Variants in ARHGAP24 observed in about 807,000 individuals in gnomAD.
ARHGAP24 encodes rho GTPase-activating protein 24.
A neutral mutation model predicts 76.4 loss-of-function variants in ARHGAP24; 50 were observed. That is an observed-to-expected ratio of 0.65 (90% CI 0.52 to 0.83). The LOEUF (loss-of-function observed/expected upper bound fraction) is 0.83. Ranked by LOEUF, ARHGAP24 falls within the 40% of genes least tolerant of loss-of-function variation. The pLI, the probability that ARHGAP24 is intolerant of heterozygous loss-of-function variation, is 0.00. For synonymous variants in ARHGAP24, 345 were observed against 323.3 expected, an observed-to-expected ratio of 1.07 and a Z score of -0.72; for missense variants, 930 against 914.2, an observed-to-expected ratio of 1.02 and a Z score of -0.22.
chr4:85,686,665 T>C (rs1034737784), intron 2 of ARHGAP24: 5 of 152,142 alleles, frequency 3.3e-5, no homozygotes, highest in Admixed American at 3.3e-4. Flanking sequence ...ATTAAACAAG[T>C]CCGTAAGTTC....
intron 2 of ARHGAP24, among the ~76,000 whole-genome samples, chr4:85,636,853 A>T (rs1410626309): frequency 6.6e-6 from 1 of 151,764 alleles, no homozygotes; most frequent in Non-Finnish European, 1.5e-5. Flanking sequence ...TCCAAACCAA[A>T]CTGTAGGCTC....
Position 85,529,024 on chromosome 4 carries a change from G to A in ARHGAP24, c.-20-41498G>A, listed in dbSNP as rs1725139941. On this transcript the variant is annotated intron_variant, in intron 1 of 9. Transcript: ENST00000395184. ...TGAGACAAATACGTAATATCATCTT[G>A]ACTACTCCTGAGCTGATCATGTTCA... 7.9e-5 allele frequency among the ~76,000 whole-genome samples: 12 copies of A among 152,090 alleles called. 1 individual carries two copies. The South Asian group carries it at 2.5e-3, about 32-fold the overall frequency.
At chr4:85,581,647 G>A (rs1727616470) in intron 2 of ARHGAP24, among the ~76,000 whole-genome samples, 1 of 152,012 alleles carries the variant, frequency 6.6e-6, no homozygotes, top group Non-Finnish European at 1.5e-5. Flanking sequence ...TCTTCTCCAG[G>A]GAAGGCAGAA....
intron 1 of ARHGAP24, among the ~76,000 whole-genome samples, chr4:85,497,355 G>A (rs559925642): frequency 4.2e-4 from 64 of 152,290 alleles, no homozygotes; most frequent in African/African-American, 9.4e-4. Flanking sequence ...TAAATTCAGC[G>A]TCTAGAAAAT....
intron 3 of ARHGAP24, among the ~76,000 whole-genome samples, chr4:85,814,094 A>C (rs1729131676): frequency 6.6e-6 from 1 of 151,998 alleles, no homozygotes; most frequent in South Asian, 2.1e-4. Context: ...TACCATGAGA[A>C]CAGCATGGGG....
rs193053097 is a variant in ARHGAP24 at position 85,501,341 on chromosome 4, A to C, written c.-21+25782A>C. Among the ~76,000 whole-genome samples the C allele has an allele frequency of 4.8e-3, 737 of 152,334 alleles. 5 individuals carry two copies. The highest frequency in any genetic ancestry group is 0.017 in the African/African-American group (694 of 41,566). ...GTTGAACTAGTTTACAGTCCCACCA[A>C]CAGTGTAAATGCATTCCTATTTCTC... On this transcript the variant is annotated intron_variant, in intron 1 of 9. Transcript: ENST00000395184.
intron 2 of ARHGAP24, among the ~76,000 whole-genome samples, chr4:85,606,431 T>G (rs1212991755): frequency 6.6e-6 from 1 of 151,456 alleles, no homozygotes; most frequent in Non-Finnish European, 1.5e-5. Flanking sequence ...GAGAATGGCG[T>G]GAACTCAGGA....
chr4:85,969,443 T>A (rs1011837483), intron 5 of ARHGAP24, among the ~76,000 whole-genome samples: 6 of 150,918 alleles, frequency 4.0e-5, no homozygotes, highest in Non-Finnish European at 7.4e-5. Flanking sequence ...ATACATAACA[T>A]ACTCTGTATA....
At chr4:85,499,829 G>T (rs560020172) in intron 1 of ARHGAP24, among the ~76,000 whole-genome samples, 1 of 152,278 alleles carries the variant, frequency 6.6e-6, no homozygotes, top group East Asian at 1.9e-4. Context: ...ATGAGGAACA[G>T]AGTTTTTAAG....
At chr4:85,587,962 G>A (rs1192019301) in intron 2 of ARHGAP24, among the ~76,000 whole-genome samples, 1 of 152,160 alleles carries the variant, frequency 6.6e-6, no homozygotes, top group African/African-American at 2.4e-5. Context: ...TGATAGTAGG[G>A]CCTATTTAGA....
chr4:85,727,104 C>T (rs1725196996), intron 3 of ARHGAP24, among the ~76,000 whole-genome samples: 1 of 151,884 alleles, frequency 6.6e-6, no homozygotes, highest in Non-Finnish European at 1.5e-5. Flanking sequence ...CCTATAATCC[C>T]AGCTACTCAG....
chr4:85,571,039 A>C (rs933061710), intron 2 of ARHGAP24: 2 of 225,350 alleles, frequency 8.9e-6, no homozygotes, highest in Non-Finnish European at 1.8e-5. Flanking sequence ...TATCATAGCC[A>C]AAACATCTTT....
intron 5 of ARHGAP24, among the ~76,000 whole-genome samples, chr4:85,947,103 T>C (rs1311492184): frequency 1.3e-5 from 2 of 152,218 alleles, no homozygotes; most frequent in East Asian, 3.8e-4. Context: ...CATTTTTTCA[T>C]ATGTTTGTTG....
chr4:85,725,743 C>T (rs1277031666), intron 3 of ARHGAP24, among the ~76,000 whole-genome samples: 1 of 152,234 alleles, frequency 6.6e-6, no homozygotes, highest in African/African-American at 2.4e-5. Flanking sequence ...CAGCGAAAGG[C>T]CTCAAAGGCC....
chr4:85,803,997 G>A (rs898868383), intron 3 of ARHGAP24, among the ~76,000 whole-genome samples: 3 of 150,204 alleles, frequency 2.0e-5, no homozygotes, highest in Admixed American at 6.7e-5. Flanking sequence ...TGTCACCCAG[G>A]CTGGAGTGCA....
At chr4:85,533,563 G>T (rs1725352408) in intron 1 of ARHGAP24, among the ~76,000 whole-genome samples, 1 of 152,106 alleles carries the variant, frequency 6.6e-6, no homozygotes, top group Admixed American at 6.5e-5. Context: ...AGCTTTAGAG[G>T]CTGAAGCATT....
intron 3 of ARHGAP24, among the ~76,000 whole-genome samples, chr4:85,771,778 C>T (rs1727137034): frequency 6.6e-6 from 1 of 152,148 alleles, no homozygotes; most frequent in Admixed American, 6.5e-5. Flanking sequence ...GGCACAATCC[C>T]AGCTTACTGC....
chr4:85,930,251 G>T, intron 4 of ARHGAP24: 1 of 985,612 alleles, frequency 1.0e-6, no homozygotes, highest in Non-Finnish European at 1.2e-6. Context: ...GCACTCGACT[G>T]TTCTGACGTT....
intron 2 of ARHGAP24, among the ~76,000 whole-genome samples, chr4:85,624,765 T>C (rs1312399552): frequency 6.6e-6 from 1 of 152,208 alleles, no homozygotes. Context: ...GTTATTGGTC[T>C]ATTCAGGGAT....
Sources: allele counts gnomAD v4.1 joint callset (sites outside exome capture counted in the v4.1 genomes callset), GRCh38; gene constraint gnomAD v4.1.1; transcripts MANE v1.5; gene names NCBI Gene and HGNC (gene_info 2026-07-23, HGNC 2026-07-21).